Variants in DCC observed in about 807,000 individuals in gnomAD.
The protein encoded by DCC is DCC netrin 1 receptor, also known as netrin receptor DCC.
DCC carries 58 observed loss-of-function variants against 172.5 expected under a neutral mutation model. The ratio of observed to expected loss-of-function variants is 0.34; its 90% CI spans 0.27 to 0.42. The LOEUF (loss-of-function observed/expected upper bound fraction) is 0.42, where lower values mean the gene tolerates loss of function less well. DCC is among the 10% of genes least tolerant of loss of function. The pLI, the probability that DCC is intolerant of heterozygous loss-of-function variation, is 1.00. For missense variants in DCC, 1,740 were observed against 1,791.0 expected (o/e 0.97, Z 0.51); for synonymous variants, 709 against 644.5 (o/e 1.10, Z -1.52).
intron 1 of DCC, among the ~76,000 whole-genome samples, chr18:52,661,047 A>G (rs1377835593): frequency 6.6e-6 from 1 of 152,200 alleles, no homozygotes; most frequent in Non-Finnish European, 1.5e-5. Flanking sequence ...AGCAAGAAGG[A>G]GAGTGATAAG....
chr18:53,173,788 A>C (rs2055048971), intron 8 of DCC, among the ~76,000 whole-genome samples: 1 of 140,086 alleles, frequency 7.1e-6, no homozygotes, highest in African/African-American at 2.8e-5. Context: ...AAAGTCAACA[A>C]GGATACCCAG....
intron 15 of DCC, among the ~76,000 whole-genome samples, chr18:53,378,609 A>T (rs1214068043): frequency 6.6e-6 from 1 of 152,218 alleles, no homozygotes; most frequent in Non-Finnish European, 1.5e-5. Context: ...TAAATAATTT[A>T]GCCTTTCTGT....
chr18:53,076,260 T>C (rs940276368), intron 7 of DCC, among the ~76,000 whole-genome samples: 3 of 152,138 alleles, frequency 2.0e-5, no homozygotes, highest in Non-Finnish European at 4.4e-5. Context: ...CCTAGAGTCA[T>C]AGGGATGGTA....
At chr18:52,812,875 C>T (rs899750816) in intron 2 of DCC, among the ~76,000 whole-genome samples, 6 of 152,126 alleles carry the variant, frequency 3.9e-5, no homozygotes, top group East Asian at 1.9e-4. Flanking sequence ...TGGGAACTTA[C>T]GCCTCTGGGT....
At chr18:52,701,039 C>T (rs1001015272) in intron 1 of DCC, among the ~76,000 whole-genome samples, 4 of 152,130 alleles carry the variant, frequency 2.6e-5, no homozygotes, top group Non-Finnish European at 5.9e-5. Flanking sequence ...AGCCTCCGAT[C>T]AGTGACTAAC....
chr18:52,619,007 G>A (rs1235761526), intron 1 of DCC, among the ~76,000 whole-genome samples: 3 of 152,014 alleles, frequency 2.0e-5, no homozygotes, highest in South Asian at 2.1e-4. Flanking sequence ...GCACAATCCC[G>A]GCTCACTGCA....
intron 8 of DCC, among the ~76,000 whole-genome samples, chr18:53,159,934 T>C (rs955218473): frequency 1.3e-5 from 2 of 152,068 alleles, no homozygotes; most frequent in Admixed American, 1.3e-4. Context: ...ACAGGAAGAA[T>C]GGAAGGGCTC....
At chr18:52,911,893 C>T (rs1043192518) in intron 3 of DCC, among the ~76,000 whole-genome samples, 1 of 151,892 alleles carries the variant, frequency 6.6e-6, no homozygotes, top group African/African-American at 2.4e-5. Flanking sequence ...CTCATATATA[C>T]TGGAAAAAAA....
intron 11 of DCC, among the ~76,000 whole-genome samples, chr18:53,209,233 G>C (rs982498200): frequency 4.6e-5 from 7 of 152,156 alleles, no homozygotes; most frequent in Non-Finnish European, 1.0e-4. Context: ...GGGGAAACTA[G>C]AAACCTAACT....
intron 1 of DCC, among the ~76,000 whole-genome samples, chr18:52,616,396 C>A (rs2034383018): frequency 6.6e-6 from 1 of 151,990 alleles, no homozygotes; most frequent in African/African-American, 2.4e-5. Flanking sequence ...TCTTACAATT[C>A]AAAGTGACTA....
intron 2 of DCC, among the ~76,000 whole-genome samples, chr18:52,825,997 T>A (rs900511544): frequency 6.6e-6 from 1 of 152,196 alleles, no homozygotes; most frequent in Non-Finnish European, 1.5e-5. Context: ...TTCAAATAAC[T>A]CTTTCTCCCA....
chr18:52,347,691 A>G (rs1983938523), intron 1 of DCC, among the ~76,000 whole-genome samples: 1 of 152,164 alleles, frequency 6.6e-6, no homozygotes, highest in Non-Finnish European at 1.5e-5. Flanking sequence ...CAGCACCTGA[A>G]TCCCTTATTA....
intron 12 of DCC, among the ~76,000 whole-genome samples, chr18:53,263,587 A>G (rs926760696): frequency 2.0e-5 from 3 of 152,236 alleles, no homozygotes; most frequent in African/African-American, 7.2e-5. Context: ...ACTGGGAAAC[A>G]TTATTAATGG....
chr18:53,362,899 C>A (rs141952303), intron 15 of DCC, among the ~76,000 whole-genome samples: 1 of 152,216 alleles, frequency 6.6e-6, no homozygotes, highest in East Asian at 1.9e-4. Flanking sequence ...GCTTGCATGG[C>A]CCATAATAAT....
chr18:52,788,984 G>A (rs1449878771), intron 2 of DCC, among the ~76,000 whole-genome samples: 1 of 152,080 alleles, frequency 6.6e-6, no homozygotes, highest in Non-Finnish European at 1.5e-5. Flanking sequence ...TTGGGGGAGT[G>A]GGGAAGTTTG....
chr18:53,111,333 G>A (rs1314739374), intron 7 of DCC, among the ~76,000 whole-genome samples: 4 of 149,810 alleles, frequency 2.7e-5, no homozygotes, highest in Non-Finnish European at 5.9e-5. Flanking sequence ...ACACCAACAT[G>A]GCACATGTAT....
intron 25 of DCC, among the ~76,000 whole-genome samples, chr18:53,481,272 C>A (rs548709947): frequency 3.1e-4 from 47 of 152,292 alleles, no homozygotes; most frequent in African/African-American, 9.6e-4. Context: ...ATCTTTGACG[C>A]TGGCTATGAT....
chr18:53,157,817 C>T (rs1241139804), intron 8 of DCC, among the ~76,000 whole-genome samples: 1 of 152,154 alleles, frequency 6.6e-6, no homozygotes, highest in Non-Finnish European at 1.5e-5. Context: ...ATTAGTAGAA[C>T]AGTGTATAAA....
At position 53,205,221 on chromosome 18, in the gene DCC, G is replaced by T; in HGVS notation, c.1579G>T (p.Val527Phe). ...IKVATQPELQVPGPVENLQAV... is the reference protein window; with the variant it reads ...IKVATQPELQFPGPVENLQAV... ...TTTATTATTTTTTTATACAGTGCAA[G>T]TTCCAGGGCCAGTAGAAAACCTGCA... The change falls in exon 10 of 29, where the codon GTT (valine) becomes TTT (phenylalanine). Residue 527 changes from valine (V) to phenylalanine (F), a missense_variant. This residue lies in a region of DCC where 1,732 missense variants were observed against 1,767.4 expected (regional missense o/e 0.98). Transcript: ENST00000442544. The T allele has an allele frequency of 1.9e-6, 3 of 1,612,740 alleles. No homozygotes were observed. Among genetic ancestry groups the T allele is most frequent in the East Asian group, 2.2e-5 (1 of 44,862 alleles).
Sources: allele counts gnomAD v4.1 joint callset (sites outside exome capture counted in the v4.1 genomes callset), GRCh38; gene constraint gnomAD v4.1.1; regional missense constraint gnomAD v4.1.1; transcripts MANE v1.5; gene names NCBI Gene and HGNC (gene_info 2026-07-23, HGNC 2026-07-21).